SLC35D2: variants seen among roughly 807,000 people sequenced by gnomAD.
SLC35D2 encodes nucleotide sugar transporter SLC35D2.
A neutral mutation model predicts 41.8 loss-of-function variants in SLC35D2; 43 were observed. The ratio of observed to expected loss-of-function variants is 1.03; its 90% CI spans 0.81 to 1.33. The LOEUF (loss-of-function observed/expected upper bound fraction) is 1.33. Among genes scored for constraint, SLC35D2 ranks in the 40% most tolerant of loss-of-function variants. The pLI is 0.00. For missense variants in SLC35D2, 380 were observed against 408.4 expected, an observed-to-expected ratio of 0.93 and a Z score of 0.60; for synonymous variants, 150 against 163.9, an observed-to-expected ratio of 0.92 and a Z score of 0.65.
At chr9:96,358,914 G>T (rs1564114920) in intron 4 of SLC35D2, among the ~76,000 whole-genome samples, 1 of 152,030 alleles carries the variant, frequency 6.6e-6, no homozygotes, top group Non-Finnish European at 1.5e-5. Flanking sequence ...CCAAGAGGTG[G>T]AGGTTGCAGT....
intron 1 of SLC35D2, among the ~76,000 whole-genome samples, chr9:96,383,153 C>T (rs1831279263): frequency 1.3e-5 from 2 of 152,146 alleles, no homozygotes; most frequent in Admixed American, 6.5e-5. Context: ...GGAATTGCGT[C>T]CTTTGAAGCA....
At chr9:96,378,202 G>A (rs1831035622) in intron 1 of SLC35D2, among the ~76,000 whole-genome samples, 1 of 151,176 alleles carries the variant, frequency 6.6e-6, no homozygotes, top group Admixed American at 6.6e-5. Flanking sequence ...AGGAGGCCAA[G>A]CCAGGTGGAC....
In SLC35D2 at chr9:96,362,876, T is replaced by G. The variant is rs563212118; in HGVS notation, c.279+1588A>C. Among the ~76,000 whole-genome samples the G allele has an allele frequency of 4.7e-3, 711 of 151,824 alleles. 5 individuals carry two copies. Among genetic ancestry groups the G allele is most frequent in the African/African-American group, 0.016 (679 of 41,456 alleles). On this transcript the variant is annotated intron_variant, in intron 3 of 11. Transcript: ENST00000253270. ...TTCTGGATGTCCCTGTTTTGTTTTT[T>G]TTTTTTTTGAGATGGGGTCTCACTC...
At chr9:96,348,995 G>C (rs951011995) in intron 6 of SLC35D2, among the ~76,000 whole-genome samples, 1 of 152,198 alleles carries the variant, frequency 6.6e-6, no homozygotes, top group Non-Finnish European at 1.5e-5. Context: ...GAAGCTAGAA[G>C]AGAGGGGCTG....
chr9:96,322,717 GT>G (rs57493593), intron 10 of SLC35D2, among the ~76,000 whole-genome samples: 360 of 111,412 alleles, frequency 3.2e-3, no homozygotes, highest in African/African-American at 0.012. Flanking sequence ...GTTTTCTGGG[GT>G]TTTTTTTTTT....
chr9:96,340,668 T>C (rs1564098244), intron 8 of SLC35D2, among the ~76,000 whole-genome samples: 1 of 138,420 alleles, frequency 7.2e-6, no homozygotes, highest in Non-Finnish European at 1.6e-5. Context: ...AATTTTTAAC[T>C]CCATGACTTG....
intron 1 of SLC35D2, among the ~76,000 whole-genome samples, chr9:96,370,606 G>A (rs567115554): frequency 1.1e-4 from 17 of 152,066 alleles, no homozygotes; most frequent in African/African-American, 3.4e-4. Flanking sequence ...GCAGTGAGCC[G>A]AGATCGTGCC....
At chr9:96,352,852 A>G (rs1400709568) in intron 4 of SLC35D2, among the ~76,000 whole-genome samples, 1 of 152,102 alleles carries the variant, frequency 6.6e-6, no homozygotes, top group Admixed American at 6.5e-5. Flanking sequence ...ACACTGACCA[A>G]CATGGTGAAA....
chr9:96,374,631 G>A (rs1830857748), intron 1 of SLC35D2, among the ~76,000 whole-genome samples: 1 of 151,212 alleles, frequency 6.6e-6, no homozygotes, highest in Admixed American at 6.6e-5. Flanking sequence ...TCAGGAGATG[G>A]AGACCATCCT....
intron 1 of SLC35D2, among the ~76,000 whole-genome samples, chr9:96,382,496 C>CACACTATATATATA (rs200897475): frequency 7.8e-6 from 1 of 127,912 alleles, no homozygotes; most frequent in African/African-American, 2.9e-5. Flanking sequence ...CACACACACA[C>CACACTATATATATA]TATATATATA....
At chr9:96,358,350 T>G (rs1830126169) in intron 4 of SLC35D2, among the ~76,000 whole-genome samples, 1 of 151,714 alleles carries the variant, frequency 6.6e-6, no homozygotes, top group Non-Finnish European at 1.5e-5. Context: ...ATGATGAGTT[T>G]CAAATTCAAA....
chr9:96,372,820 A>T lies in SLC35D2; in HGVS notation c.159-4515T>A, dbSNP rs1433928791. Among the ~76,000 whole-genome samples, 8 of 150,972 alleles carry T rather than the reference A, an allele frequency of 5.3e-5. No homozygotes were observed. The East Asian group carries it at 7.8e-4, about 15-fold the overall frequency. On this transcript the variant is annotated intron_variant, in intron 1 of 11. Coordinates refer to ENST00000253270, the MANE Select transcript of SLC35D2 (RefSeq NM_007001.3). ...AGGCTGGTCTCGAACTCCTGACCTC[A>T]GGTGATCCGCCCACCTCTGCCTCCC...
intron 1 of SLC35D2, among the ~76,000 whole-genome samples, chr9:96,373,631 G>T (rs1450658937): frequency 6.7e-6 from 1 of 149,808 alleles, no homozygotes; most frequent in Non-Finnish European, 1.5e-5. Context: ...AGGTTGCAGT[G>T]AGCAGAGATC....
chr9:96,376,608 CTAAA>C (rs757999336), intron 1 of SLC35D2, among the ~76,000 whole-genome samples: 5 of 151,460 alleles, frequency 3.3e-5, no homozygotes, highest in African/African-American at 9.7e-5. Context: ...GACTCTGACT[CTAAA>C]TAAATAAATA....
intron 2 of SLC35D2, among the ~76,000 whole-genome samples, chr9:96,367,364 C>G (rs192570881): frequency 5.6e-4 from 85 of 151,484 alleles, no homozygotes; most frequent in African/African-American, 1.7e-3. Context: ...TCAAAACAAA[C>G]AAACAAAAAA....
chr9:96,321,182 A>T lies in SLC35D2; in HGVS notation c.*60T>A. 1.6e-6 allele frequency: 2 copies of T among 1,290,156 alleles called. No homozygotes were observed. Among genetic ancestry groups the T allele is most frequent in the Non-Finnish European group, 2.2e-6 (2 of 892,602 alleles). 79.9% of individuals were successfully genotyped at this position (1,290,156 alleles called of 1,614,324 possible). A position where few individuals can be genotyped will look rare whatever the true frequency, so the allele number is the denominator to read the frequency against. The stretch of plus-strand genomic sequence containing the variant: ...CCGAAACCTCTGGCTTCACATTCCT[A>T]CTGGGAATGCCCCCCCAGCCCGCAG... On this transcript the variant is annotated 3_prime_UTR_variant, in exon 12 of 12. Transcript: ENST00000253270.
In SLC35D2 at chr9:96,336,766, A is replaced by G; in HGVS notation, c.703T>C (p.Trp235Arg). Residue 235 changes from tryptophan (W) to arginine (R), a missense_variant, in exon 9 of 12, where the codon TGG (tryptophan) becomes CGG (arginine). Transcript: ENST00000253270. ...TGTAGGATAAACACAACATTCTTCC[A>G]TTGGTTGAATTCAGTAGCCTATTAT... ...DLQQATEFNQWKNVVFILQFL... is the reference protein window; with the variant it reads ...DLQQATEFNQRKNVVFILQFL... The G allele has an allele frequency of 6.3e-7, 1 of 1,580,466 alleles. No individual in the cohort carries two copies. The highest frequency in any genetic ancestry group is 8.6e-7 in the Non-Finnish European group (1 of 1,156,310).
chr9:96,330,151 G>A (rs13288977), intron 9 of SLC35D2, among the ~76,000 whole-genome samples: 3,999 of 152,360 alleles, frequency 0.026, 79 homozygotes, highest in Middle Eastern at 0.054. Context: ...GGCAGCAGAA[G>A]AAAGTCTGTC....
chr9:96,344,494 C>A (rs1222470572), intron 7 of SLC35D2, among the ~76,000 whole-genome samples: 2 of 44,122 alleles, frequency 4.5e-5, no homozygotes, highest in African/African-American at 1.0e-4. Flanking sequence ...CCTGTTTTTG[C>A]AAAACTTCTA....
Sources: allele counts gnomAD v4.1 joint callset (sites outside exome capture counted in the v4.1 genomes callset), GRCh38; gene constraint gnomAD v4.1.1; transcripts MANE v1.5; gene names NCBI Gene and HGNC (gene_info 2026-07-23, HGNC 2026-07-21).